Variants in SLC38A10 observed in about 807,000 individuals in gnomAD.
SLC38A10 encodes Sodium-coupled neutral amino acid transporter 10.
Under a neutral mutation model 81.0 loss-of-function variants are expected in SLC38A10, and 53 were observed. The ratio of observed to expected loss-of-function variants is 0.65; its 90% confidence interval spans 0.53 to 0.82. The LOEUF (loss-of-function observed/expected upper bound fraction) is 0.82, where lower values mean the gene tolerates loss of function less well. Ranked by LOEUF, SLC38A10 falls within the 40% of genes least tolerant of loss-of-function variation. SLC38A10 has a pLI of 0.00. For missense variants in SLC38A10, 1,471 were observed against 1,545.0 expected (o/e 0.95, Z 0.80); for synonymous variants, 665 against 655.3 (o/e 1.01, Z -0.23).
In SLC38A10 at chr17:81,246,388, C is replaced by T. The variant is rs1440099181; in HGVS notation, c.2528G>A (p.Arg843Lys). The T allele has an allele frequency of 3.7e-6, 6 of 1,600,136 alleles. No individual in the cohort carries two copies. In the African/African-American group the frequency reaches 8.0e-5, roughly 21 times the overall value. Residue 843 changes from arginine (R) to lysine (K), a missense_variant, in exon 16 of 16, where the codon AGG becomes AAG. By Grantham distance (26) the Arg-to-Lys change is conservative. This residue lies in a region of SLC38A10 where 751 missense variants were observed against 717.4 expected (regional missense o/e 1.05). Transcript: ENST00000374759. ...GAGCTCCTTCACAGTGCCAGCTGCC[C>T]TGGGGGCGGCATCCTTCTGGCCATC... ...LRDGQKDAAPRAAGTVKELPK... is the reference protein window; with the variant it reads ...LRDGQKDAAPKAAGTVKELPK...
intron 11 of SLC38A10, among the ~76,000 whole-genome samples, chr17:81,255,473 C>T (rs1334582602): frequency 6.6e-6 from 1 of 152,250 alleles, no homozygotes; most frequent in Non-Finnish European, 1.5e-5. Flanking sequence ...TGCGCAAAGA[C>T]AGAAAGGGGC....
intron 8 of SLC38A10, among the ~76,000 whole-genome samples, chr17:81,274,186 C>T (rs1416327234): frequency 6.6e-6 from 1 of 152,234 alleles, no homozygotes; most frequent in Non-Finnish European, 1.5e-5. Flanking sequence ...TCTGGCCTTG[C>T]CTCCTCGATC....
In SLC38A10 at chr17:81,253,155, C is replaced by A; in HGVS notation, c.1374G>T (p.Gln458His). The A allele has an allele frequency of 6.2e-7, 1 of 1,613,976 alleles. No individual in the cohort carries two copies. The highest frequency in any genetic ancestry group is 1.1e-5 in the South Asian group (1 of 91,082). The change falls in exon 12 of 16, where the codon CAG becomes CAT. Residue 458 changes from glutamine to histidine, a missense_variant. This residue lies in a region of SLC38A10 where 720 missense variants were observed against 827.7 expected (regional missense o/e 0.87). Coordinates refer to ENST00000374759, the MANE Select transcript of SLC38A10 (RefSeq NM_001037984.3). The surrounding 1 kb of genome is among the most constrained non-coding windows in gnomAD (Gnocchi z 4.1). Reference sequence around the variant, plus strand: ...CAGGCACATCCACGGGCCCCTTGATCTGGGCCTGCTCCAGCTCCTCTCTCT... The same window carrying A: ...CAGGCACATCCACGGGCCCCTTGATATGGGCCTGCTCCAGCTCCTCTCTCT... ...PKEREELEQA[Q>H]IKGPVDVPGR...
chr17:81,284,961 T>A (rs367620662), intron 2 of SLC38A10, 66 bp from the exon 3 acceptor site: 1 of 1,429,004 alleles, frequency 7.0e-7, no homozygotes. Context: ...ACAAAGGTAC[T>A]GAGCCAAGCT....
chr17:81,271,358 G>A (rs2063114328), intron 9 of SLC38A10, among the ~76,000 whole-genome samples: 1 of 152,174 alleles, frequency 6.6e-6, no homozygotes. Context: ...GTGGCCCTAG[G>A]AAGGCAGGAC....
intron 2 of SLC38A10, chr17:81,285,133 C>G: frequency 2.4e-6 from 1 of 415,692 alleles, no homozygotes; most frequent in Non-Finnish European, 4.3e-6. Context: ...GTTCTTCTTT[C>G]ACTCAATCAG....
At position 81,246,620 on chromosome 17, in the gene SLC38A10, C is replaced by A; in HGVS notation, c.2296G>T (p.Glu766Ter). The A allele has an allele frequency of 6.6e-7, 1 of 1,516,202 alleles. No individual in the cohort carries two copies. Among genetic ancestry groups the A allele is most frequent in the Non-Finnish European group, 8.8e-7 (1 of 1,135,442 alleles). 93.9% of individuals were successfully genotyped at this position (1,516,202 alleles called of 1,614,324 possible). A position where few individuals can be genotyped will look rare whatever the true frequency, so the allele number is the denominator to read the frequency against. Reference sequence around the variant, plus strand: ...TCCACCGTCTCCCTGGCCTTGCCTTCAGGGGCCTCCTGGCCTCTGGGCACC... The same window carrying A: ...TCCACCGTCTCCCTGGCCTTGCCTTAAGGGGCCTCCTGGCCTCTGGGCACC... ...AAVPRGQEAP[E>*]GKARETVENL... The change falls in exon 16 of 16, where the codon GAA becomes TAA. Residue 766 changes from glutamate (E) to a stop codon, truncating the protein, a stop_gained. Coordinates refer to ENST00000374759, the MANE Select transcript of SLC38A10 (RefSeq NM_001037984.3). LOFTEE classifies it low-confidence loss of function (END_TRUNC).
At chr17:81,285,082 T>C (rs914526808) in intron 2 of SLC38A10, 187 bp from the exon 3 acceptor site, 1 of 471,078 alleles carries the variant, frequency 2.1e-6, no homozygotes, top group Non-Finnish European at 3.9e-6. Flanking sequence ...CAAATGAAAC[T>C]ACAAGAAACA....
chr17:81,290,878 T>C (rs1472337729), intron 1 of SLC38A10, among the ~76,000 whole-genome samples: 1 of 152,066 alleles, frequency 6.6e-6, no homozygotes, highest in East Asian at 1.9e-4. Flanking sequence ...TGGTGGTGTG[T>C]GCCTGTAATC....
chr17:81,271,502 C>A (rs2063115496), intron 9 of SLC38A10, among the ~76,000 whole-genome samples: 2 of 152,190 alleles, frequency 1.3e-5, no homozygotes, highest in African/African-American at 4.8e-5. Context: ...GTGATGTCAT[C>A]CTCTGATGAC....
At position 81,280,538 on chromosome 17, in the gene SLC38A10, A is replaced by G. The variant is rs972328181; in HGVS notation, c.626+71T>C. 8.5e-5 allele frequency: 135 copies of G among 1,583,024 alleles called. No individual in the cohort carries two copies. In the South Asian group the frequency reaches 1.1e-3, roughly 12 times the overall value. ...AGCGATCACAGTAAACGAGAAAGAGAGGGTCCCGTCTCCCAGCAGCTCGCC... is the reference window on the plus strand; with the variant it reads ...AGCGATCACAGTAAACGAGAAAGAGGGGGTCCCGTCTCCCAGCAGCTCGCC... On this transcript the variant is annotated intron_variant, in intron 6 of 15. Coordinates refer to ENST00000374759, the MANE Select transcript of SLC38A10 (RefSeq NM_001037984.3).
At position 81,253,515 on chromosome 17, in the gene SLC38A10, G is replaced by A. The variant is rs2062939675; in HGVS notation, c.1289-275C>T. Among the ~76,000 whole-genome samples, 1 of 151,926 alleles carries A rather than the reference G, an allele frequency of 6.6e-6. No homozygotes were observed. Among genetic ancestry groups the A allele is most frequent in the Non-Finnish European group, 1.5e-5 (1 of 67,986 alleles). On this transcript the variant is annotated intron_variant, in intron 11 of 15. Coordinates refer to ENST00000374759, the MANE Select transcript of SLC38A10 (RefSeq NM_001037984.3). This position sits in a 1 kb window ranked among gnomAD's most constrained non-coding sequence, Gnocchi z 4.1. Reference sequence around the variant, plus strand: ...AGTCATTACCACCAGATGGCGGCACGAGCCCACCGACCCACTCTCCCACAG... The same window carrying A: ...AGTCATTACCACCAGATGGCGGCACAAGCCCACCGACCCACTCTCCCACAG...
Position 81,253,910 on chromosome 17 carries a change from CTGCCAACCCTACCATCAT to C in SLC38A10, c.1289-688_1289-671del, listed in dbSNP as rs1414429381. The stretch of plus-strand genomic sequence containing the variant: ...ATCACCACTACCATCACCACCATCA[CTGCCAACCCTACCATCAT>C]TGCCATCACCTCCATTATCGTCATC... On this transcript the variant is annotated intron_variant, in intron 11 of 15. Transcript: ENST00000374759. The surrounding 1 kb of genome is among the most constrained non-coding windows in gnomAD (Gnocchi z 4.1). Among the ~76,000 whole-genome samples the C allele has an allele frequency of 6.6e-6, 1 of 152,012 alleles. No individual in the cohort carries two copies. Among genetic ancestry groups the C allele is most frequent in the Non-Finnish European group, 1.5e-5 (1 of 68,014 alleles).
In SLC38A10 at chr17:81,289,849, T is replaced by A. The variant is rs767215223; in HGVS notation, c.100-41A>T. On this transcript the variant is annotated intron_variant, in intron 1 of 15. Coordinates refer to ENST00000374759, the MANE Select transcript of SLC38A10 (RefSeq NM_001037984.3). The surrounding 1 kb of genome is among the most constrained non-coding windows in gnomAD (Gnocchi z 5.9). ...AGGAACACATGTTCACAGCAGCAGG[T>A]GCTCCCCAGAGGCCCTCACCCCACA... 1.2e-5 allele frequency: 18 copies of A among 1,509,102 alleles called. No individual in the cohort carries two copies. Among genetic ancestry groups the A allele is most frequent in the Non-Finnish European group, 1.4e-5 (16 of 1,119,634 alleles). 93.5% of individuals were successfully genotyped at this position (1,509,102 alleles called of 1,614,324 possible).
rs2063212050 is a variant in SLC38A10, at chr17:81,281,509, G to A, written c.501+680C>T. 6.6e-6 allele frequency among the ~76,000 whole-genome samples: 1 copy of A among 152,126 alleles called. No homozygotes were observed. Among genetic ancestry groups the A allele is most frequent in the African/African-American group, 2.4e-5 (1 of 41,406 alleles). Reference sequence around the variant, plus strand: ...AAAATAATAGCGGCCGGGCGTGGTGGCTCATGCCTGTAACCCCAGCACTTT... The same window carrying A: ...AAAATAATAGCGGCCGGGCGTGGTGACTCATGCCTGTAACCCCAGCACTTT... On this transcript the variant is annotated intron_variant, in intron 5 of 15. Transcript: ENST00000374759. The surrounding 1 kb of genome is among the most constrained non-coding windows in gnomAD (Gnocchi z 5.3).
chr17:81,269,339 C>T (rs7210543), intron 10 of SLC38A10, among the ~76,000 whole-genome samples: 7,316 of 152,004 alleles, frequency 0.048, 311 homozygotes, highest in African/African-American at 0.11. Flanking sequence ...ATGGTAAAAC[C>T]CTGTCTCTAC....
In SLC38A10 at chr17:81,279,967, C is replaced by T. The variant is rs866876109; in HGVS notation, c.626+642G>A. Reference sequence around the variant, plus strand: ...GTTTACGATTGGCTCAATGCATGCCCACTAACGCTACAGGGGCCGCTCTGC... The same window carrying T: ...GTTTACGATTGGCTCAATGCATGCCTACTAACGCTACAGGGGCCGCTCTGC... On this transcript the variant is annotated intron_variant, in intron 6 of 15. Coordinates refer to ENST00000374759, the MANE Select transcript of SLC38A10 (RefSeq NM_001037984.3). The T allele has an allele frequency of 1.2e-4, 40 of 326,108 alleles. No individual in the cohort carries two copies. In the Middle Eastern group the frequency reaches 4.1e-3, roughly 34 times the overall value. 20.2% of individuals were successfully genotyped at this position (326,108 alleles called of 1,614,324 possible).
intron 6 of SLC38A10, among the ~76,000 whole-genome samples, chr17:81,279,095 C>T (rs571472932): frequency 6.6e-6 from 1 of 152,340 alleles, no homozygotes; most frequent in African/African-American, 2.4e-5. Flanking sequence ...AGCCTCAGGG[C>T]CTACCAGAGT....
intron 14 of SLC38A10, chr17:81,251,029 A>G: frequency 3.5e-6 from 5 of 1,424,648 alleles, no homozygotes; most frequent in Non-Finnish European, 4.6e-6. Context: ...TGCTAGGACC[A>G]GGGCGGGCAC....
Sources: allele counts gnomAD v4.1 joint callset (sites outside exome capture counted in the v4.1 genomes callset), GRCh38; gene constraint gnomAD v4.1.1; regional missense constraint gnomAD v4.1.1; non-coding constraint Gnocchi (gnomAD v3.1); transcripts MANE v1.5; gene names NCBI Gene and HGNC (gene_info 2026-07-23, HGNC 2026-07-21).